Variants in CNTD1 observed in about 807,000 individuals in gnomAD.
CNTD1 encodes cyclin N-terminal domain-containing protein 1.
In CNTD1, 17 loss-of-function variants were observed where a neutral mutation model predicts 36.3. The observed-to-expected ratio is 0.47, with a 90% CI of 0.32 to 0.70. The LOEUF is 0.70. CNTD1 is among the 30% of genes least tolerant of loss of function. The pLI, the probability that CNTD1 is intolerant of heterozygous loss-of-function variation, is 0.03. For synonymous variants in CNTD1, 128 were observed against 153.3 expected, an observed-to-expected ratio of 0.83 and a Z score of 1.22; for missense variants, 338 against 386.1, an observed-to-expected ratio of 0.88 and a Z score of 1.04.
Position 42,809,881 on chromosome 17 carries a change from T to C in CNTD1, c.*346T>C, listed in dbSNP as rs1439550125. The C allele has an allele frequency of 1.1e-4, 19 of 165,250 alleles. No individual in the cohort carries two copies. Among genetic ancestry groups the C allele is most frequent in the Admixed American group, 4.4e-4 (7 of 15,770 alleles). 10.2% of individuals were successfully genotyped at this position (165,250 alleles called of 1,614,324 possible). On this transcript the variant is annotated 3_prime_UTR_variant, in exon 7 of 7. Transcript: ENST00000588408. ...TCAAATACAGACTATCTGGGTGACC[T>C]TGACTAAGCATCAAGGAGGTAGCCT...
intron 4 of CNTD1, among the ~76,000 whole-genome samples, 169 bp from the exon 5 acceptor site, chr17:42,806,499 TCTCTAC>T (rs2054881268): frequency 6.6e-6 from 1 of 152,192 alleles, no homozygotes; most frequent in Admixed American, 6.5e-5. Context: ...GATGGAGGTT[TCTCTAC>T]CTCTACCTTT....
rs925948229 is a variant in CNTD1, at chr17:42,799,018, G to T, written c.-50G>T. ...AGACTGGAGAGGAGCTAAGGGGGTC[G>T]GTATGTGGATCCAGTGAACCCGTCC... On this transcript the variant is annotated 5_prime_UTR_variant, in exon 1 of 7. Coordinates refer to ENST00000588408, the MANE Select transcript of CNTD1 (RefSeq NM_173478.3). 1.9e-6 allele frequency: 3 copies of T among 1,598,522 alleles called. No individual in the cohort carries two copies. Among genetic ancestry groups the T allele is most frequent in the East Asian group, 2.3e-5 (1 of 44,442 alleles).
Position 42,810,957 on chromosome 17 carries a change from G to GT in CNTD1, c.*1423dup, listed in dbSNP as rs2054987441. 6.5e-7 allele frequency: 1 copy of GT among 1,544,194 alleles called. No homozygotes were observed. The highest frequency in any genetic ancestry group is 8.7e-7 in the Non-Finnish European group (1 of 1,144,856). On this transcript the variant is annotated 3_prime_UTR_variant, in exon 7 of 7. Transcript: ENST00000588408. ...CAGATGGACAGAGCAAAACTCATTA[G>GT]TAACTGAGATCTGAGTTAAGTAAGT...
rs1356939678 is a variant in CNTD1, at chr17:42,810,590, G to A, written c.*1055G>A. The A allele has an allele frequency of 1.5e-6, 1 of 658,302 alleles. No homozygotes were observed. The highest frequency in any genetic ancestry group is 1.9e-5 in the African/African-American group (1 of 53,290). The allele number at this position is 658,302 out of a possible 1,614,324, so 40.8% of individuals were successfully genotyped here. ...CTATAGATGGCATGTTGTAGCTCTG[G>A]AAAGTATCTGTCACATGATATTTTA... On this transcript the variant is annotated 3_prime_UTR_variant, in exon 7 of 7. Coordinates refer to ENST00000588408, the MANE Select transcript of CNTD1 (RefSeq NM_173478.3).
At position 42,805,897 on chromosome 17, in the gene CNTD1, G is replaced by A. The variant is rs2054871532; in HGVS notation, c.580+13G>A. ...CTAGAGGTTTTAGGTATCTTACTGT[G>A]TTAGGGAATATGGGTTGGAGACTTC... On this transcript the variant is annotated intron_variant, in intron 4 of 6. Coordinates refer to ENST00000588408, the MANE Select transcript of CNTD1 (RefSeq NM_173478.3). 7 of 1,602,874 alleles carry A rather than the reference G, an allele frequency of 4.4e-6. No individual in the cohort carries two copies. In the East Asian group the frequency reaches 1.6e-4, roughly 36 times the overall value.
intron 6 of CNTD1, among the ~76,000 whole-genome samples, chr17:42,808,485 A>G (rs943033242): frequency 6.8e-6 from 1 of 147,864 alleles, no homozygotes; most frequent in Non-Finnish European, 1.5e-5. Context: ...TGGGAGGTAG[A>G]GGTTGCAGTG....
In CNTD1 at chr17:42,802,704, AAAGTT is replaced by A. The variant is rs1458958670; in HGVS notation, c.170-910_170-906del. ...TGTAAGCTTGACTAAATTTTCTAAG[AAAGTT>A]AAGTTTTCTCTGAAGACATATGATT... On this transcript the variant is annotated intron_variant, in intron 1 of 6. Coordinates refer to ENST00000588408, the MANE Select transcript of CNTD1 (RefSeq NM_173478.3). Among the ~76,000 whole-genome samples the A allele has an allele frequency of 3.3e-5, 5 of 152,294 alleles. No individual in the cohort carries two copies. In the South Asian group the frequency reaches 6.2e-4, roughly 19 times the overall value.
chr17:42,800,536 C>T (rs1286632053), intron 1 of CNTD1, among the ~76,000 whole-genome samples: 1 of 152,094 alleles, frequency 6.6e-6, no homozygotes, highest in East Asian at 1.9e-4. Flanking sequence ...AGAGTTTATC[C>T]TTGGTTTGGT....
intron 1 of CNTD1, among the ~76,000 whole-genome samples, chr17:42,801,871 A>G (rs1443713522): frequency 6.6e-6 from 1 of 152,116 alleles, no homozygotes; most frequent in Admixed American, 6.6e-5. Context: ...ATAGGAACAG[A>G]ACCAAGGGAC....
At chr17:42,805,631 A>C in intron 3 of CNTD1, 91 bp from the exon 4 acceptor site, 1 of 1,101,982 alleles carries the variant, frequency 9.1e-7, no homozygotes, top group Middle Eastern at 2.8e-4. Context: ...AGATGAAGGA[A>C]TAGGCTGGAT....
intron 1 of CNTD1, among the ~76,000 whole-genome samples, chr17:42,801,510 A>ATATATATAT (rs1555546481): frequency 2.4e-4 from 13 of 54,326 alleles, no homozygotes; most frequent in Non-Finnish European, 3.5e-4. Flanking sequence ...AAAAAAAAAA[A>ATATATATAT]ATATATATAT....
rs2054842941 is a variant in CNTD1 at position 42,804,372 on chromosome 17, C to A, written c.393C>A (p.Ala131=). ...GTCTTGTGTCATGTGTTCAGCTGGC[C>A]AGCAAACTTTCCTTCCGAAACAAAG... ...TLRLVSCVQL[A]SKLSFRNKII... The change falls in exon 3 of 7, where the codon GCC becomes GCA. Residue 131 remains alanine, a synonymous_variant. Coordinates refer to ENST00000588408, the MANE Select transcript of CNTD1 (RefSeq NM_173478.3). 6.2e-7 allele frequency: 1 copy of A among 1,613,886 alleles called. No individual in the cohort carries two copies. Among genetic ancestry groups the A allele is most frequent in the Admixed American group, 1.7e-5 (1 of 59,978 alleles).
At chr17:42,798,791 C>T (rs1472668664), upstream of CNTD1, 1 of 1,462,996 alleles carries the variant, frequency 6.8e-7, no homozygotes, top group Admixed American at 2.6e-5. Context: ...CTTTGCGGGG[C>T]AGAGCCGCGG....
intron 3 of CNTD1, 130 bp from the exon 4 acceptor site, chr17:42,805,592 G>A: frequency 1.3e-6 from 1 of 768,036 alleles, no homozygotes; most frequent in African/African-American, 1.8e-5. Context: ...AGCAGAGTGT[G>A]AGGGGGAATT....
At chr17:42,802,747 G>A (rs2054816560) in intron 1 of CNTD1, among the ~76,000 whole-genome samples, 1 of 152,234 alleles carries the variant, frequency 6.6e-6, no homozygotes, top group Non-Finnish European at 1.5e-5. Context: ...TTGACTAAAT[G>A]TGTAATTCTC....
At position 42,798,999 on chromosome 17, in the gene CNTD1, G is replaced by C; in HGVS notation, c.-69G>C. On this transcript the variant is annotated 5_prime_UTR_variant, in exon 1 of 7. Transcript: ENST00000588408. ...GAATCCAGGGTGTGGCAGAAGACTG[G>C]AGAGGAGCTAAGGGGGTCGGTATGT... 1 of 1,568,242 alleles carries C rather than the reference G, an allele frequency of 6.4e-7. No homozygotes were observed. Among genetic ancestry groups the C allele is most frequent in the South Asian group, 1.2e-5 (1 of 84,996 alleles).
At chr17:42,805,210 T>C (rs1185249352) in intron 3 of CNTD1, among the ~76,000 whole-genome samples, 4 of 152,206 alleles carry the variant, frequency 2.6e-5, no homozygotes, top group Non-Finnish European at 5.9e-5. Context: ...AAATACTTTC[T>C]GAGTTTATTC....
chr17:42,806,768 G>A lies in CNTD1; in HGVS notation c.675G>A (p.Glu225=). 1 of 1,614,112 alleles carries A rather than the reference G, an allele frequency of 6.2e-7. No homozygotes were observed. Among genetic ancestry groups the A allele is most frequent in the Non-Finnish European group, 8.5e-7 (1 of 1,180,034 alleles). Residue 225 remains glutamate (E), a synonymous_variant, in exon 5 of 7, where the codon GAG becomes GAA. Coordinates refer to ENST00000588408, the MANE Select transcript of CNTD1 (RefSeq NM_173478.3). ...ATCTTCTGCATGAACCCATATATGA[G>A]AGCCTGTTGAGGGCTTCAATTGAGA... ...LVYLLHEPIY[E]SLLRASIENS... is the part of the protein sequence containing the mutation.
intron 1 of CNTD1, among the ~76,000 whole-genome samples, chr17:42,802,945 A>G (rs577600673): frequency 2.6e-5 from 4 of 152,084 alleles, no homozygotes; most frequent in Non-Finnish European, 4.4e-5. Context: ...CACCTTCCCA[A>G]TGACTCCCTC....
Sources: gnomAD v4.1 joint callset for allele counts (sites outside exome capture counted in the v4.1 genomes callset) on GRCh38, gnomAD v4.1.1 for gene constraint, MANE v1.5 for transcripts, NCBI Gene and HGNC (gene_info 2026-07-23, HGNC 2026-07-21) for gene names.